Variants in TM9SF3 observed in about 807,000 individuals in gnomAD.
TM9SF3 encodes the protein SM-11044-binding protein.
In TM9SF3, 14 loss-of-function variants were observed where a neutral mutation model predicts 78.6. The observed-to-expected ratio is 0.18, with a 90% CI of 0.12 to 0.28. The LOEUF (loss-of-function observed/expected upper bound fraction) is 0.28. Ranked by LOEUF, TM9SF3 falls within the 10% of genes least tolerant of loss-of-function variation. TM9SF3 has a pLI of 1.00. For missense variants in TM9SF3, 496 were observed against 721.9 expected (o/e 0.69, Z 3.59); for synonymous variants, 231 against 241.7 (o/e 0.96, Z 0.41).
chr10:96,582,004 T>C (rs543209239), intron 1 of TM9SF3, among the ~76,000 whole-genome samples: 3 of 152,190 alleles, frequency 2.0e-5, no homozygotes, highest in Non-Finnish European at 4.4e-5. Context: ...GCTTCCACAC[T>C]GCATATCCTT....
At chr10:96,584,315 G>C (rs1848606411) in intron 1 of TM9SF3, among the ~76,000 whole-genome samples, 1 of 152,122 alleles carries the variant, frequency 6.6e-6, no homozygotes, top group Admixed American at 6.5e-5. Flanking sequence ...AAACTCACTT[G>C]ACATTAGCCT....
Position 96,586,877 on chromosome 10 carries a change from C to T in TM9SF3, c.-42G>A, listed in dbSNP as rs2134166564. 2 of 1,010,968 alleles carry T rather than the reference C, an allele frequency of 2.0e-6. No individual in the cohort carries two copies. Among genetic ancestry groups the T allele is most frequent in the Non-Finnish European group, 2.5e-6 (2 of 808,690 alleles). 62.6% of individuals were successfully genotyped at this position (1,010,968 alleles called of 1,614,324 possible). On this transcript the variant is annotated 5_prime_UTR_variant, in exon 1 of 15. Transcript: ENST00000371142. ...GCCCGGAGCCGGCTCACCGACTCCT[C>T]CTCCCGCCGCCGCCTCCTCCGCCGC...
At chr10:96,580,599 T>A (rs1362170090) in intron 1 of TM9SF3, among the ~76,000 whole-genome samples, 1 of 152,118 alleles carries the variant, frequency 6.6e-6, no homozygotes, top group African/African-American at 2.4e-5. Context: ...CCACCAAATT[T>A]AGAATGCCCT....
At chr10:96,581,952 CTA>C (rs1186539293) in intron 1 of TM9SF3, among the ~76,000 whole-genome samples, 1 of 152,130 alleles carries the variant, frequency 6.6e-6, no homozygotes, top group African/African-American at 2.4e-5. Context: ...AAACAGAAGA[CTA>C]TGCATCTTAA....
intron 9 of TM9SF3, among the ~76,000 whole-genome samples, chr10:96,536,583 T>C (rs967987641): frequency 3.9e-5 from 6 of 152,132 alleles, no homozygotes; most frequent in Admixed American, 6.5e-5. Flanking sequence ...TTCCTACATA[T>C]AGTCAACACT....
intron 1 of TM9SF3, among the ~76,000 whole-genome samples, chr10:96,583,976 G>A (rs922690053): frequency 4.0e-5 from 4 of 99,000 alleles, no homozygotes; most frequent in Admixed American, 9.8e-5. Flanking sequence ...AGAGATTGCA[G>A]TGAGTGGACA....
rs1369925218 is a variant in TM9SF3 at position 96,576,614 on chromosome 10, GAC to G, written c.298+18_298+19del. The stretch of plus-strand genomic sequence containing the variant: ...TCTACAATCCAAATTGCATTGTAAG[GAC>G]TATTAAGGTTTACTTACCTTTAAAT... On this transcript the variant is annotated intron_variant, in intron 2 of 14. Transcript: ENST00000371142. 6.4e-7 allele frequency: 1 copy of G among 1,551,274 alleles called. No homozygotes were observed. Among genetic ancestry groups the G allele is most frequent in the Admixed American group, 2.1e-5 (1 of 47,276 alleles).
At chr10:96,571,075 G>A (rs974709344) in intron 2 of TM9SF3, among the ~76,000 whole-genome samples, 1 of 152,122 alleles carries the variant, frequency 6.6e-6, no homozygotes, top group African/African-American at 2.4e-5. Context: ...TTAGGAAATG[G>A]AAAACGGTTG....
At chr10:96,565,220 T>TTAC in intron 3 of TM9SF3, 84 bp downstream of exon 3, 1 of 1,256,916 alleles carries the variant, frequency 8.0e-7, no homozygotes, top group Non-Finnish European at 1.1e-6. Flanking sequence ...CATGATCCAG[T>TTAC]ACACAATCAC....
intron 12 of TM9SF3, 128 bp from the exon 13 acceptor site, chr10:96,527,624 C>A: frequency 1.5e-6 from 1 of 671,324 alleles, no homozygotes. Context: ...AAAACAAATG[C>A]ATAGACATGG....
intron 5 of TM9SF3, among the ~76,000 whole-genome samples, chr10:96,556,403 C>G (rs775186911): frequency 2.6e-5 from 4 of 152,188 alleles, no homozygotes; most frequent in Non-Finnish European, 5.9e-5. Flanking sequence ...GGAACAGAAG[C>G]TGAAGAACTG....
intron 1 of TM9SF3, among the ~76,000 whole-genome samples, chr10:96,577,787 G>T (rs972270624): frequency 3.3e-5 from 5 of 152,152 alleles, no homozygotes; most frequent in African/African-American, 9.7e-5. Context: ...TGTGTTCCCT[G>T]TCCTACTGGG....
chr10:96,571,514 T>C (rs1418525341), intron 2 of TM9SF3, among the ~76,000 whole-genome samples: 1 of 152,160 alleles, frequency 6.6e-6, no homozygotes, highest in African/African-American at 2.4e-5. Context: ...CCCCAGTCCC[T>C]TTTCCTCACC....
chr10:96,581,206 T>TG (rs575438958), intron 1 of TM9SF3, among the ~76,000 whole-genome samples: 14 of 152,206 alleles, frequency 9.2e-5, no homozygotes, highest in Admixed American at 3.3e-4. Flanking sequence ...GTTTATGTGT[T>TG]GGGGGGGTAC....
intron 9 of TM9SF3, among the ~76,000 whole-genome samples, chr10:96,538,921 T>C (rs1847990011): frequency 6.6e-6 from 1 of 152,344 alleles, no homozygotes. Context: ...CTGATAGAAA[T>C]GTAAAATGTC....
chr10:96,576,315 G>A (rs1042166656), intron 2 of TM9SF3: 1 of 165,656 alleles, frequency 6.0e-6, no homozygotes, highest in Non-Finnish European at 1.3e-5. Context: ...ATATTCAAAG[G>A]AAATCTTTGT....
chr10:96,544,928 TAAGAGCATTTCTACGTTTGAA>T, intron 8 of TM9SF3, among the ~76,000 whole-genome samples: 1 of 151,406 alleles, frequency 6.6e-6, no homozygotes, highest in East Asian at 1.9e-4. Flanking sequence ...AATATGTATT[TAAGAGCATTTCTACGTTTGAA>T]AAGAAAAAAA....
In TM9SF3 at chr10:96,569,861, G is replaced by A. The variant is rs190600155; in HGVS notation, c.299-4435C>T. Among the ~76,000 whole-genome samples the A allele has an allele frequency of 3.8e-4, 58 of 152,120 alleles. No individual in the cohort carries two copies. In the East Asian group the frequency reaches 7.6e-3, roughly 20 times the overall value. ...ATCCTGGCCAACATGGTGAAACCCC[G>A]TCTCTACTAAAAATACAAAAATCAG... On this transcript the variant is annotated intron_variant, in intron 2 of 14. Transcript: ENST00000371142.
intron 8 of TM9SF3, 39 bp from the exon 9 acceptor site, chr10:96,544,245 T>A: frequency 6.7e-7 from 1 of 1,490,116 alleles, no homozygotes; most frequent in Non-Finnish European, 9.0e-7. Context: ...AATATAATTA[T>A]TTAGTACGAA....
Sources: allele counts gnomAD v4.1 joint callset (sites outside exome capture counted in the v4.1 genomes callset), GRCh38; gene constraint gnomAD v4.1.1; transcripts MANE v1.5; gene names NCBI Gene and HGNC (gene_info 2026-07-23, HGNC 2026-07-21).